Variants in SRGAP2C observed in about 807,000 individuals in gnomAD.
SRGAP2C encodes the protein SLIT-ROBO Rho GTPase-activating protein 2C.
Under a neutral mutation model 25.1 loss-of-function variants are expected in SRGAP2C, and 15 were observed. The ratio of observed to expected loss-of-function variants is 0.60; its 90% CI spans 0.40 to 0.92. The LOEUF (loss-of-function observed/expected upper bound fraction) is 0.92. Among genes scored for constraint, SRGAP2C ranks in the 40% least tolerant of loss-of-function variants. The pLI, the probability that SRGAP2C is intolerant of heterozygous loss-of-function variation, is 0.00. For synonymous variants in SRGAP2C, 44 were observed against 96.6 expected (o/e 0.46, Z 3.19); for missense variants, 144 against 264.4 (o/e 0.54, Z 3.16).
intron 2 of SRGAP2C, among the ~76,000 whole-genome samples, chr1:121,279,378 C>G (rs1657191410): frequency 1.4e-5 from 2 of 141,322 alleles, no homozygotes; most frequent in South Asian, 2.2e-4. Context: ...TCCCTCACCC[C>G]CTGTACTCTG....
At chr1:121,329,358 A>T (rs1658386847) in intron 4 of SRGAP2C, among the ~76,000 whole-genome samples, 1 of 148,872 alleles carries the variant, frequency 6.7e-6, no homozygotes, top group Non-Finnish European at 1.5e-5. Context: ...AAAATCCTGG[A>T]TTTTCTCTGT....
chr1:121,268,429 C>T (rs2101543382), intron 2 of SRGAP2C, among the ~76,000 whole-genome samples: 1 of 151,980 alleles, frequency 6.6e-6, no homozygotes, highest in South Asian at 2.1e-4. Context: ...ATTACCTTTT[C>T]TCCACTGGGA....
At chr1:121,370,171 T>C (rs1659442979) in intron 5 of SRGAP2C, among the ~76,000 whole-genome samples, 1 of 76,664 alleles carries the variant, frequency 1.3e-5, no homozygotes, top group Admixed American at 1.4e-4. Flanking sequence ...TATTTCTAGG[T>C]CTCTTATCTT....
Position 121,239,282 on chromosome 1 carries a change from C to A in SRGAP2C, c.68-45521C>A, listed in dbSNP as rs1298013624. Among the ~76,000 whole-genome samples, 4 of 1,724 alleles carry A rather than the reference C, an allele frequency of 2.3e-3. 1 individual carries two copies. Among genetic ancestry groups the A allele is most frequent in the Non-Finnish European group, 3.2e-3 (4 of 1,232 alleles). The allele number at this position is 1,724 out of a possible 152,430, so 1.1% of individuals were successfully genotyped here. On this transcript the variant is annotated intron_variant, in intron 2 of 9. Coordinates refer to ENST00000367123, the MANE Select transcript of SRGAP2C (RefSeq NM_001329984.2). ...TATATATATACTATATATATATATA[C>A]TATATATATATATATATACATGCAA...
At chr1:121,282,718 C>A (rs1206455923) in intron 2 of SRGAP2C, among the ~76,000 whole-genome samples, 22 of 89,098 alleles carry the variant, frequency 2.5e-4, no homozygotes, top group African/African-American at 6.0e-4. Context: ...CCATGCCTGG[C>A]TAATTTTTTT....
rs1478701456 is a variant in SRGAP2C, at chr1:121,248,486, G to A, written c.68-36317G>A. Reference sequence around the variant, plus strand: ...TTTTGAGACGGAGTCTTGCTCTGTCGCCCAGGCTGGAGTGCAGTGGCGCAA... The same window carrying A: ...TTTTGAGACGGAGTCTTGCTCTGTCACCCAGGCTGGAGTGCAGTGGCGCAA... On this transcript the variant is annotated intron_variant, in intron 2 of 9. Coordinates refer to ENST00000367123, the MANE Select transcript of SRGAP2C (RefSeq NM_001329984.2). 1.9e-3 allele frequency among the ~76,000 whole-genome samples: 259 copies of A among 134,368 alleles called. 5 individuals are homozygous for A. Among genetic ancestry groups the A allele is most frequent in the Admixed American group, 0.012 (158 of 12,916 alleles). The allele number at this position is 134,368 out of a possible 152,430, so 88.2% of individuals were successfully genotyped here. A position where few individuals can be genotyped will look rare whatever the true frequency, so the allele number is the denominator to read the frequency against.
intron 4 of SRGAP2C, among the ~76,000 whole-genome samples, chr1:121,346,910 T>C (rs1658759355): frequency 1.3e-5 from 2 of 152,168 alleles, no homozygotes; most frequent in South Asian, 4.2e-4. Flanking sequence ...GCCTGCCTCA[T>C]GCCCTCCTCA....
chr1:121,328,900 AAAAAAC>A (rs1310317614), intron 4 of SRGAP2C, among the ~76,000 whole-genome samples: 1 of 126,826 alleles, frequency 7.9e-6, no homozygotes, highest in Non-Finnish European at 1.6e-5. Flanking sequence ...AAAAAAAAAA[AAAAAAC>A]AAAAAACAAA....
chr1:121,308,315 C>G (rs1302662031), intron 3 of SRGAP2C, among the ~76,000 whole-genome samples: 96 of 149,610 alleles, frequency 6.4e-4, no homozygotes, highest in African/African-American at 2.2e-3. Flanking sequence ...TCTAGACCAT[C>G]TTGAAAGTCC....
At chr1:121,359,624 C>G (rs1335542154) in intron 4 of SRGAP2C, among the ~76,000 whole-genome samples, 1 of 152,126 alleles carries the variant, frequency 6.6e-6, no homozygotes, top group Non-Finnish European at 1.5e-5. Flanking sequence ...CAAAAATTAA[C>G]CAGCGTGTTG....
intron 2 of SRGAP2C, among the ~76,000 whole-genome samples, chr1:121,238,805 G>A: frequency 7.0e-6 from 1 of 142,272 alleles, no homozygotes; most frequent in Non-Finnish European, 1.5e-5. Flanking sequence ...TTTTGAGATG[G>A]GGTCTCACTC....
intron 2 of SRGAP2C, among the ~76,000 whole-genome samples, chr1:121,225,749 G>A (rs1305773697): frequency 4.1e-5 from 6 of 144,866 alleles, no homozygotes; most frequent in South Asian, 2.2e-4. Context: ...GTCATGCTCC[G>A]TCACCCAGGC....
chr1:121,222,802 C>T (rs1419947827), intron 2 of SRGAP2C, among the ~76,000 whole-genome samples: 1 of 151,924 alleles, frequency 6.6e-6, no homozygotes, highest in African/African-American at 2.4e-5. Flanking sequence ...TCCTTTTCTA[C>T]CTCTGCTGGT....
At chr1:121,312,602 C>T (rs1293008454) in intron 3 of SRGAP2C, among the ~76,000 whole-genome samples, 1 of 120,068 alleles carries the variant, frequency 8.3e-6, no homozygotes, top group Non-Finnish European at 1.8e-5. Flanking sequence ...TTGAATGCGT[C>T]CCAGAGATTC....
chr1:121,195,806 A>T (rs1388429330), intron 2 of SRGAP2C, among the ~76,000 whole-genome samples: 2 of 132,318 alleles, frequency 1.5e-5, no homozygotes, highest in East Asian at 4.3e-4. Flanking sequence ...TAAATACTTT[A>T]TATAGATTAT....
At position 121,392,158 on chromosome 1, in the gene SRGAP2C, A is replaced by G. The variant is rs1660111259; in HGVS notation, c.*4303A>G. 6.6e-6 allele frequency: 1 copy of G among 152,228 alleles called. No individual in the cohort carries two copies. The highest frequency in any genetic ancestry group is 1.5e-5 in the Non-Finnish European group (1 of 68,022). 9.4% of individuals were successfully genotyped at this position (152,228 alleles called of 1,614,324 possible). On this transcript the variant is annotated 3_prime_UTR_variant, in exon 10 of 10. Transcript: ENST00000367123. ...TGTCTCTGAGAAACAGAAAGAATAA[A>G]AAATAAACAATGAGCAGAGACTAAT...
intron 3 of SRGAP2C, among the ~76,000 whole-genome samples, chr1:121,287,646 C>A (rs1657399977): frequency 1.3e-5 from 2 of 152,130 alleles, no homozygotes. Flanking sequence ...CATCTTGTGT[C>A]CGGAATTGGT....
intron 2 of SRGAP2C, among the ~76,000 whole-genome samples, chr1:121,249,567 TA>T (rs1656298955): frequency 3.6e-3 from 117 of 32,702 alleles, no homozygotes; most frequent in Admixed American, 5.8e-3. Context: ...TATATATATA[TA>T]TATATATATA....
chr1:121,281,269 T>G (rs1657236174), intron 2 of SRGAP2C, among the ~76,000 whole-genome samples: 1 of 151,636 alleles, frequency 6.6e-6, no homozygotes, highest in Non-Finnish European at 1.5e-5. Flanking sequence ...AATGCCTGTA[T>G]GGATGCTTTG....
Sources: gnomAD v4.1 joint callset for allele counts (sites outside exome capture counted in the v4.1 genomes callset) on GRCh38, gnomAD v4.1.1 for gene constraint, MANE v1.5 for transcripts, NCBI Gene and HGNC (gene_info 2026-07-23, HGNC 2026-07-21) for gene names.